Variants in KCNIP2 observed in about 807,000 individuals in gnomAD.
KCNIP2 encodes potassium voltage-gated channel interacting protein 2.
Under a neutral mutation model 39.0 loss-of-function variants are expected in KCNIP2, and 19 were observed. That is an observed-to-expected ratio of 0.49 (90% CI 0.34 to 0.71). The LOEUF (loss-of-function observed/expected upper bound fraction) is 0.71, where lower values mean the gene tolerates loss of function less well. Ranked by LOEUF, KCNIP2 falls within the 30% of genes least tolerant of loss-of-function variation. The pLI is 0.01. For synonymous variants in KCNIP2, 111 were observed against 131.2 expected (o/e 0.85, Z 1.05); for missense variants, 261 against 346.0 (o/e 0.75, Z 1.95).
intron 1 of KCNIP2, among the ~76,000 whole-genome samples, chr10:101,835,161 C>G (rs2066114963): frequency 6.6e-6 from 1 of 152,000 alleles, no homozygotes; most frequent in African/African-American, 2.4e-5. Flanking sequence ...GAGGGTGGGT[C>G]TACTGTTTTG....
At chr10:101,836,118 G>A (rs546765975) in intron 1 of KCNIP2, among the ~76,000 whole-genome samples, 1 of 152,112 alleles carries the variant, frequency 6.6e-6, no homozygotes, top group Non-Finnish European at 1.5e-5. Flanking sequence ...CAGTCCCTAA[G>A]GCCCCAGTCG....
intron 9 of KCNIP2, 105 bp from the exon 10 acceptor site, chr10:101,827,505 C>T: frequency 7.2e-7 from 1 of 1,384,018 alleles, no homozygotes; most frequent in Non-Finnish European, 1.0e-6. Flanking sequence ...CATTCAAAAG[C>T]ACAGAGGAAG....
chr10:101,827,335 G>A lies in KCNIP2; in HGVS notation c.*18C>T, dbSNP rs1332311103. ...GAGCATGGTCCCCCCAGGAAACACT[G>A]ACCCCCTCTCCTGGGGGCTAGATGA... On this transcript the variant is annotated 3_prime_UTR_variant, in exon 10 of 10. Coordinates refer to ENST00000356640, the MANE Select transcript of KCNIP2 (RefSeq NM_173191.3). 6.3e-7 allele frequency: 1 copy of A among 1,594,668 alleles called. No individual in the cohort carries two copies. The highest frequency in any genetic ancestry group is 1.7e-5 in the Admixed American group (1 of 58,722).
chr10:101,839,124 A>G (rs774969103), intron 1 of KCNIP2, among the ~76,000 whole-genome samples: 1 of 152,192 alleles, frequency 6.6e-6, no homozygotes, highest in Non-Finnish European at 1.5e-5. Context: ...AATCCCAGTG[A>G]TCACAACCCC....
chr10:101,829,477 A>C, intron 3 of KCNIP2: 1 of 482,860 alleles, frequency 2.1e-6, no homozygotes, highest in Non-Finnish European at 3.6e-6. Context: ...TTGGAGGGGA[A>C]GGCCCCCAGC....
At chr10:101,831,289 G>T in intron 1 of KCNIP2, 122 bp from the exon 2 acceptor site, 1 of 753,862 alleles carries the variant, frequency 1.3e-6, no homozygotes, top group Non-Finnish European at 2.2e-6. Flanking sequence ...GGAATTAAGG[G>T]GAGGAAAGGA....
At chr10:101,841,847 T>C (rs995470278) in intron 1 of KCNIP2, among the ~76,000 whole-genome samples, 3 of 152,214 alleles carry the variant, frequency 2.0e-5, no homozygotes, top group Non-Finnish European at 2.9e-5. Context: ...TGTGATACTA[T>C]TGAAGGCCCC....
intron 2 of KCNIP2, among the ~76,000 whole-genome samples, chr10:101,830,684 C>T (rs1349247131): frequency 8.6e-5 from 5 of 58,184 alleles, no homozygotes; most frequent in African/African-American, 2.5e-4. Context: ...GTCACGCCCA[C>T]ACACACACAC....
rs1157769010 is a variant in KCNIP2 at position 101,831,140 on chromosome 10, G to A, written c.101C>T (p.Ala34Val). The change falls in exon 2 of 10, where the codon GCG (alanine) becomes GTG (valine). Residue 34 changes from alanine (A) to valine (V), a missense_variant. By Grantham distance (64) the Ala-to-Val change is moderately conservative. Transcript: ENST00000356640. ...CAGCTTGAGGAATCGCTGCTTCAGC[G>A]CTTTTTTAGTGGGCCCTGGAGGGTG... ...TGHPPGPTKKALKQRFLKLLP... is the reference protein window; with the variant it reads ...TGHPPGPTKKVLKQRFLKLLP... The A allele has an allele frequency of 1.9e-6, 3 of 1,610,922 alleles. No homozygotes were observed. The highest frequency in any genetic ancestry group is 1.1e-5 in the South Asian group (1 of 90,422).
rs1185347321 is a variant in KCNIP2, at chr10:101,828,102, G to A, written c.597+49C>T. ...ATTTCCCTCCCATCACCCTCTGCACGCCACCCCCATCACCGCCACAGACCC... is the reference window on the plus strand; with the variant it reads ...ATTTCCCTCCCATCACCCTCTGCACACCACCCCCATCACCGCCACAGACCC... On this transcript the variant is annotated intron_variant, in intron 7 of 9. Transcript: ENST00000356640. This position sits in a 1 kb window ranked among gnomAD's most constrained non-coding sequence, Gnocchi z 6.6. The A allele has an allele frequency of 1.1e-5, 18 of 1,567,872 alleles. No individual in the cohort carries two copies. Among genetic ancestry groups the A allele is most frequent in the East Asian group, 2.2e-5 (1 of 44,664 alleles).
intron 1 of KCNIP2, among the ~76,000 whole-genome samples, chr10:101,840,262 C>A (rs868630675): frequency 6.6e-6 from 1 of 151,598 alleles, no homozygotes; most frequent in Non-Finnish European, 1.5e-5. Context: ...ACCCCGCCCC[C>A]ACCATTTTGG....
At chr10:101,830,870 G>A (rs186657060) in intron 2 of KCNIP2, among the ~76,000 whole-genome samples, 116 of 140,148 alleles carry the variant, frequency 8.3e-4, no homozygotes, top group Non-Finnish European at 1.4e-3. Context: ...GCACGCTCGC[G>A]CGCACATGCA....
At position 101,843,643 on chromosome 10, in the gene KCNIP2, G is replaced by A; in HGVS notation, c.-75C>T. ...GGCCGGGATAGGGCGCTCACACGGC[G>A]CCCCCTGGCGGCCTACTGTGCTGTC... is the stretch of plus-strand genomic sequence containing the variant. On this transcript the variant is annotated 5_prime_UTR_variant, in exon 1 of 10. Transcript: ENST00000356640. This position sits in a 1 kb window ranked among gnomAD's most constrained non-coding sequence, Gnocchi z 6.7. 2.5e-6 allele frequency: 2 copies of A among 815,446 alleles called. No individual in the cohort carries two copies. The highest frequency in any genetic ancestry group is 3.6e-6 in the Non-Finnish European group (2 of 553,174). The allele number at this position is 815,446 out of a possible 1,614,324, so 50.5% of individuals were successfully genotyped here.
At chr10:101,840,683 T>G (rs1162165030) in intron 1 of KCNIP2, among the ~76,000 whole-genome samples, 5 of 151,926 alleles carry the variant, frequency 3.3e-5, no homozygotes, top group Admixed American at 3.3e-4. Flanking sequence ...ACGGGAGAGA[T>G]ATAGTCCCGC....
chr10:101,831,073 T>G lies in KCNIP2; in HGVS notation c.168A>C (p.Glu56Asp). ...CGGAAGCACATGAGAGGCACTTGCT[T>G]TCACTGACTGAGGGCAGGGCTTGGG... ...CGPQALPSVSETLAAPASLRP... is the reference protein window; with the variant it reads ...CGPQALPSVSDTLAAPASLRP... Residue 56 changes from glutamate (E) to aspartate (D), a missense_variant and splice_region_variant, in exon 2 of 10, where the codon GAA becomes GAC. Transcript: ENST00000356640. 1 of 1,613,478 alleles carries G rather than the reference T, an allele frequency of 6.2e-7. No homozygotes were observed. The highest frequency in any genetic ancestry group is 8.5e-7 in the Non-Finnish European group (1 of 1,179,844).
chr10:101,840,969 C>T (rs2066315511), intron 1 of KCNIP2, among the ~76,000 whole-genome samples: 1 of 152,236 alleles, frequency 6.6e-6, no homozygotes, highest in South Asian at 2.1e-4. Flanking sequence ...CTTGGCCTTT[C>T]TCTCTTCCGC....
chr10:101,843,473 C>T lies in KCNIP2; in HGVS notation c.73+23G>A, dbSNP rs1350725027. 2.0e-6 allele frequency: 3 copies of T among 1,497,226 alleles called. No individual in the cohort carries two copies. The highest frequency in any genetic ancestry group is 9.0e-7 in the Non-Finnish European group (1 of 1,113,760). 92.7% of individuals were successfully genotyped at this position (1,497,226 alleles called of 1,614,324 possible). A position where few individuals can be genotyped will look rare whatever the true frequency, so the allele number is the denominator to read the frequency against. ...GGAATGGAATCCACCCTCCCTCCCG[C>T]GACCCCCACGTCACTGACTCACCCG... On this transcript the variant is annotated intron_variant, in intron 1 of 9. Transcript: ENST00000356640. This position sits in a 1 kb window ranked among gnomAD's most constrained non-coding sequence, Gnocchi z 6.7.
Position 101,843,560 on chromosome 10 carries a change from G to A in KCNIP2, c.9C>T (p.Gly3=), listed in dbSNP as rs1362222591. The change falls in exon 1 of 10, where the codon GGC becomes GGT. Residue 3 remains glycine, a synonymous_variant. Coordinates refer to ENST00000356640, the MANE Select transcript of KCNIP2 (RefSeq NM_173191.3). This position sits in a 1 kb window ranked among gnomAD's most constrained non-coding sequence, Gnocchi z 6.7. MR[G]QGRKESLSDS... ...CGGACAAACTCTCCTTGCGGCCCTG[G>A]CCCCGCATGGCCCCCGGCGCCCCGC... 1 of 1,535,482 alleles carries A rather than the reference G, an allele frequency of 6.5e-7. No homozygotes were observed. The highest frequency in any genetic ancestry group is 8.8e-7 in the Non-Finnish European group (1 of 1,141,940).
In KCNIP2 at chr10:101,826,505, AG is replaced by A. The variant is rs1416723008; in HGVS notation, c.*847del. The A allele has an allele frequency of 5.9e-5, 9 of 152,422 alleles. No homozygotes were observed. Among genetic ancestry groups the A allele is most frequent in the Non-Finnish European group, 1.2e-4 (8 of 68,114 alleles). The allele number at this position is 152,422 out of a possible 1,614,324, so 9.4% of individuals were successfully genotyped here. A position where few individuals can be genotyped will look rare whatever the true frequency, so the allele number is the denominator to read the frequency against. On this transcript the variant is annotated 3_prime_UTR_variant, in exon 10 of 10. Transcript: ENST00000356640. The stretch of plus-strand genomic sequence containing the variant: ...CATAGCCCTCAAAACAGGGACGATA[AG>A]CAAGGAGGGTGGGATGAAATTTTGG...
Sources: allele counts gnomAD v4.1 joint callset (sites outside exome capture counted in the v4.1 genomes callset), GRCh38; gene constraint gnomAD v4.1.1; non-coding constraint Gnocchi (gnomAD v3.1); transcripts MANE v1.5; gene names NCBI Gene and HGNC (gene_info 2026-07-23, HGNC 2026-07-21).